Variants in GLIS3 observed in about 807,000 individuals in gnomAD.
The protein encoded by GLIS3 is GLIS family zinc finger 3, also known as zinc finger protein GLIS3.
In GLIS3, 53 loss-of-function variants were observed where a neutral mutation model predicts 78.6. The ratio of observed to expected loss-of-function variants is 0.67; its 90% CI spans 0.54 to 0.85. The LOEUF (loss-of-function observed/expected upper bound fraction) is 0.85. Ranked by LOEUF, GLIS3 falls within the 40% of genes least tolerant of loss-of-function variation. GLIS3 has a pLI of 0.00. For synonymous variants in GLIS3, 684 were observed against 509.9 expected, an observed-to-expected ratio of 1.34 and a Z score of -4.60; for missense variants, 1,703 against 1,231.1, an observed-to-expected ratio of 1.38 and a Z score of -5.74.
In GLIS3 at chr9:3,827,947, T is replaced by C. The variant is rs753216450; in HGVS notation, c.*325A>G. 7.9e-6 allele frequency: 3 copies of C among 377,510 alleles called. No homozygotes were observed. Among genetic ancestry groups the C allele is most frequent in the Non-Finnish European group, 1.5e-5 (3 of 197,752 alleles). The allele number at this position is 377,510 out of a possible 1,614,324, so 23.4% of individuals were successfully genotyped here. A position where few individuals can be genotyped will look rare whatever the true frequency, so the allele number is the denominator to read the frequency against. On this transcript the variant is annotated 3_prime_UTR_variant, in exon 11 of 11. Transcript: ENST00000381971. ...GTCATCCCCAAACTACATTTTCATA[T>C]GCACATCATTTCACTGGGGTCCTTT... is the stretch of plus-strand genomic sequence containing the variant.
intron 3 of GLIS3, 67 bp downstream of exon 3, chr9:4,125,667 G>C (rs541944801): frequency 1.9e-6 from 2 of 1,059,746 alleles, no homozygotes; most frequent in East Asian, 2.4e-5. Context: ...TTCAGAAAGA[G>C]AACGGAAAAC....
chr9:4,019,588 G>T (rs1325119133), intron 4 of GLIS3, among the ~76,000 whole-genome samples: 1 of 152,186 alleles, frequency 6.6e-6, no homozygotes, highest in African/African-American at 2.4e-5. Context: ...CAACAGGCAG[G>T]AGACATAGTA....
chr9:3,828,645 GA>G (rs1817862839), intron 10 of GLIS3, among the ~76,000 whole-genome samples: 1 of 152,208 alleles, frequency 6.6e-6, no homozygotes, highest in African/African-American at 2.4e-5. Flanking sequence ...AGAAGTAAAA[GA>G]AAAGTGTTCT....
chr9:4,407,802 A>G, the GLIS3 span, among the ~76,000 whole-genome samples: 1 of 152,232 alleles, frequency 6.6e-6, no homozygotes, highest in African/African-American at 2.4e-5. Context: ...CACAACAAAG[A>G]AAACAATCAA....
rs1169046779 is a variant in GLIS3 at position 3,856,196 on chromosome 9, A to G, written c.2298-12T>C. 2 of 1,611,512 alleles carry G rather than the reference A, an allele frequency of 1.2e-6. No individual in the cohort carries two copies. The highest frequency in any genetic ancestry group is 1.3e-5 in the African/African-American group (1 of 74,894). ...CAGAAGGTGCAAACCTGAGAAAACA[A>G]TTATAAAAGGAAACATGAGGGACAT... On this transcript the variant is annotated splice_polypyrimidine_tract_variant and intron_variant, in intron 8 of 10. Coordinates refer to ENST00000381971, the MANE Select transcript of GLIS3 (RefSeq NM_001042413.2).
chr9:4,306,343 A>G (rs1390808784), intron 4 of GLIS3, among the ~76,000 whole-genome samples: 1 of 152,106 alleles, frequency 6.6e-6, no homozygotes, highest in African/African-American at 2.4e-5. Flanking sequence ...CCCTGCTACC[A>G]TTTGGTCAAT....
chr9:4,262,137 C>T (rs10974420), intron 2 of GLIS3, among the ~76,000 whole-genome samples: 30,167 of 151,954 alleles, frequency 0.2, 3,157 homozygotes, highest in East Asian at 0.24. Context: ...AGAGTGCTCT[C>T]GGATCTGGGA....
chr9:4,385,219 T>A, the GLIS3 span, among the ~76,000 whole-genome samples: 30 of 152,284 alleles, frequency 2.0e-4, no homozygotes, highest in African/African-American at 6.5e-4. Context: ...CCACATTCCG[T>A]TTCTTCGTGG....
intron 4 of GLIS3, among the ~76,000 whole-genome samples, chr9:4,022,623 A>G (rs1822983729): frequency 6.6e-6 from 1 of 152,166 alleles, no homozygotes; most frequent in Admixed American, 6.5e-5. Flanking sequence ...AGACTTGTAA[A>G]CAAGTGTTCA....
At chr9:3,940,907 G>A (rs1016845997) in intron 4 of GLIS3, among the ~76,000 whole-genome samples, 1 of 152,174 alleles carries the variant, frequency 6.6e-6, no homozygotes, top group African/African-American at 2.4e-5. Flanking sequence ...GTGTACGGCT[G>A]GGCAGGTTAC....
At chr9:4,246,106 G>T (rs1216072289) in intron 2 of GLIS3, among the ~76,000 whole-genome samples, 1 of 152,090 alleles carries the variant, frequency 6.6e-6, no homozygotes, top group Non-Finnish European at 1.5e-5. Flanking sequence ...GCCAGGCACG[G>T]TGGCTCATGC....
intron 2 of GLIS3, among the ~76,000 whole-genome samples, chr9:4,200,018 C>T (rs1282502668): frequency 6.6e-6 from 1 of 152,118 alleles, no homozygotes; most frequent in African/African-American, 2.4e-5. Context: ...CTCAAAACCA[C>T]ACAATTACAT....
chr9:4,259,057 A>AT (rs1825254175), intron 2 of GLIS3, among the ~76,000 whole-genome samples: 1 of 152,094 alleles, frequency 6.6e-6, no homozygotes. Flanking sequence ...GCCTCCCTGC[A>AT]TAACTCCTCC....
chr9:4,343,528 T>G (rs756637080), intron 2 of GLIS3, among the ~76,000 whole-genome samples: 3 of 152,208 alleles, frequency 2.0e-5, no homozygotes, highest in Non-Finnish European at 2.9e-5. Flanking sequence ...AACCTAAAAC[T>G]GAACTACCAT....
chr9:4,298,523 G>A (rs1318056914), intron 1 of GLIS3: 5 of 395,190 alleles, frequency 1.3e-5, no homozygotes, highest in Non-Finnish European at 2.0e-5. Context: ...TGTGTGTCTA[G>A]GAGAGAGCCG....
At chr9:4,320,248 T>G (rs1352431336) in intron 2 of GLIS3, among the ~76,000 whole-genome samples, 1 of 152,160 alleles carries the variant, frequency 6.6e-6, no homozygotes, top group Non-Finnish European at 1.5e-5. Context: ...CTTCATTCAC[T>G]CCAGTTGCCT....
At chr9:4,466,174 C>T in the GLIS3 span, among the ~76,000 whole-genome samples, 1 of 152,142 alleles carries the variant, frequency 6.6e-6, no homozygotes, top group Admixed American at 6.5e-5. Context: ...ATATAATGAA[C>T]AACTTTATGC....
At chr9:4,451,194 C>T in the GLIS3 span, among the ~76,000 whole-genome samples, 1 of 152,088 alleles carries the variant, frequency 6.6e-6, no homozygotes, top group African/African-American at 2.4e-5. Flanking sequence ...GCAGGGGTTG[C>T]AATCCTAGTC....
At chr9:4,020,709 A>G (rs150744106) in intron 4 of GLIS3, among the ~76,000 whole-genome samples, 266 of 152,340 alleles carry the variant, frequency 1.7e-3, no homozygotes, top group African/African-American at 6.2e-3. Flanking sequence ...ACTTCTCCCA[A>G]TTATTTACAC....
Sources: allele counts gnomAD v4.1 joint callset (sites outside exome capture counted in the v4.1 genomes callset), GRCh38; gene constraint gnomAD v4.1.1; transcripts MANE v1.5; gene names NCBI Gene and HGNC (gene_info 2026-07-23, HGNC 2026-07-21).